RMND1: variants seen among roughly 807,000 people sequenced by gnomAD.
RMND1 encodes the protein required for meiotic nuclear division 1 homolog.
Under a neutral mutation model 54.0 loss-of-function variants are expected in RMND1, and 41 were observed. The observed-to-expected ratio is 0.76, with a 90% CI of 0.59 to 0.98. The LOEUF (loss-of-function observed/expected upper bound fraction) is 0.98, where lower values mean the gene tolerates loss of function less well. Among genes scored for constraint, RMND1 ranks in the 50% least tolerant of loss-of-function variants. The pLI, the probability that RMND1 is intolerant of heterozygous loss-of-function variation, is 0.00. For synonymous variants in RMND1, 183 were observed against 181.7 expected (o/e 1.01, Z -0.06); for missense variants, 457 against 532.0 (o/e 0.86, Z 1.39).
At chr6:151,407,976 C>T (rs951705917) in intron 10 of RMND1, among the ~76,000 whole-genome samples, 11 of 151,954 alleles carry the variant, frequency 7.2e-5, no homozygotes, top group African/African-American at 2.7e-4. Flanking sequence ...GAGGCATGTA[C>T]GCGTCGAGCA....
intron 10 of RMND1, chr6:151,416,612 C>A (rs891122106): frequency 6.6e-6 from 1 of 152,070 alleles, no homozygotes; most frequent in African/African-American, 2.4e-5. Flanking sequence ...TTAGTAGAGA[C>A]AGGGTTTCGC....
intron 2 of RMND1, among the ~76,000 whole-genome samples, chr6:151,439,995 C>T (rs1032342556): frequency 5.9e-5 from 9 of 152,020 alleles, no homozygotes; most frequent in African/African-American, 1.9e-4. Flanking sequence ...CTTCCTCTGT[C>T]GCCCAGGCGT....
chr6:151,446,563 C>G (rs944997947), intron 1 of RMND1, among the ~76,000 whole-genome samples: 4 of 151,952 alleles, frequency 2.6e-5, no homozygotes, highest in African/African-American at 9.7e-5. Flanking sequence ...ACAAGGTAAA[C>G]AGAATTTCCC....
At chr6:151,413,493 G>C (rs923995998) in intron 10 of RMND1, among the ~76,000 whole-genome samples, 7 of 152,288 alleles carry the variant, frequency 4.6e-5, no homozygotes, top group Admixed American at 6.5e-5. Flanking sequence ...GCCTGCCTTG[G>C]CCTACCAAAG....
chr6:151,422,468 G>A, intron 8 of RMND1, 73 bp downstream of exon 8: 1 of 755,000 alleles, frequency 1.3e-6, no homozygotes, highest in Non-Finnish European at 2.1e-6. Context: ...GCTATATATT[G>A]TTATATTGGG....
intron 10 of RMND1, chr6:151,413,823 T>A (rs2114923544): frequency 6.6e-6 from 1 of 152,310 alleles, no homozygotes; most frequent in African/African-American, 2.4e-5. Flanking sequence ...CACTAATCAA[T>A]CTTTCTGTGT....
intron 1 of RMND1, among the ~76,000 whole-genome samples, chr6:151,450,455 G>GAGTCAGCCCCCCGCCC (rs1781121236): frequency 1.1e-5 from 1 of 89,374 alleles, no homozygotes; most frequent in Non-Finnish European, 2.3e-5. Context: ...GGAGGTGGGG[G>GAGTCAGCCCCCCGCCC]GGCCAGCCCC....
rs1195902483 is a variant in RMND1 at position 151,417,338 on chromosome 6, T to A, written c.1141A>T (p.Asn381Tyr). ...ITPDFYWDRE[N>Y]LEGLYDKTCQ... Reference sequence around the variant, plus strand: ...GTTTTATCGTAAAGTCCTTCCAGGTTTTCTCTGTCCCAGTAGAAATCAGGA... The same window carrying A: ...GTTTTATCGTAAAGTCCTTCCAGGTATTCTCTGTCCCAGTAGAAATCAGGA... The change falls in exon 10 of 12, where the codon AAC becomes TAC. Residue 381 changes from asparagine to tyrosine, a missense_variant. Coordinates refer to ENST00000444024, the MANE Select transcript of RMND1 (RefSeq NM_017909.4). The A allele has an allele frequency of 3.1e-6, 5 of 1,613,802 alleles. No individual in the cohort carries two copies. The highest frequency in any genetic ancestry group is 4.2e-6 in the Non-Finnish European group (5 of 1,179,916).
intron 10 of RMND1, among the ~76,000 whole-genome samples, chr6:151,412,396 A>G (rs1206095743): frequency 6.6e-6 from 1 of 150,960 alleles, no homozygotes; most frequent in Admixed American, 6.6e-5. Context: ...GCCTCAAGTG[A>G]CCCTCCCATC....
chr6:151,406,522 C>T lies in RMND1; in HGVS notation c.1201-686G>A, dbSNP rs149679693. On this transcript the variant is annotated intron_variant, in intron 10 of 11. Transcript: ENST00000444024. ...GACTACAGGTGCCCGCCACCACGCC[C>T]GGCTAATTTTTGTATTTTTAGTAGA... Among the ~76,000 whole-genome samples, 352 of 152,112 alleles carry T rather than the reference C, an allele frequency of 2.3e-3. 1 individual carries two copies. Among genetic ancestry groups the T allele is most frequent in the African/African-American group, 8.1e-3 (336 of 41,512 alleles).
intron 10 of RMND1, chr6:151,411,486 CAGT>C (rs1187075664): frequency 6.6e-6 from 1 of 152,170 alleles, no homozygotes; most frequent in African/African-American, 2.4e-5. Flanking sequence ...AGAGCACATT[CAGT>C]AGAGGCAGAA....
intron 10 of RMND1, among the ~76,000 whole-genome samples, chr6:151,406,858 A>G (rs1268214345): frequency 1.3e-5 from 2 of 152,034 alleles, no homozygotes; most frequent in Non-Finnish European, 2.9e-5. Context: ...TTTTGCACAT[A>G]GCATTAAACT....
chr6:151,443,391 A>C (rs1397412465), intron 2 of RMND1, among the ~76,000 whole-genome samples: 4 of 152,102 alleles, frequency 2.6e-5, no homozygotes, highest in African/African-American at 4.8e-5. Context: ...AGCTCACTGC[A>C]ACCTCCACCT....
chr6:151,410,295 T>C (rs1398946152), intron 10 of RMND1, among the ~76,000 whole-genome samples: 1 of 152,136 alleles, frequency 6.6e-6, no homozygotes, highest in Non-Finnish European at 1.5e-5. Context: ...GACCTTGTGA[T>C]CCGCCCTCCT....
chr6:151,446,545 C>T, intron 1 of RMND1, among the ~76,000 whole-genome samples: 1 of 152,046 alleles, frequency 6.6e-6, no homozygotes, highest in East Asian at 1.9e-4. Flanking sequence ...CACACATGAA[C>T]ATTCCAGACA....
At chr6:151,436,649 T>C (rs935170830) in intron 2 of RMND1, 95 bp from the exon 3 acceptor site, 18 of 1,191,296 alleles carry the variant, frequency 1.5e-5, no homozygotes, top group Non-Finnish European at 2.1e-5. Context: ...TCTGCAAAGC[T>C]AGAACTCCAG....
chr6:151,427,638 T>A (rs1780341663), intron 5 of RMND1, 56 bp from the exon 6 acceptor site: 2 of 1,110,654 alleles, frequency 1.8e-6, no homozygotes, highest in Non-Finnish European at 2.7e-6. Flanking sequence ...AGTTCAAGTA[T>A]GTTATGATTT....
chr6:151,445,510 A>C lies in RMND1; in HGVS notation c.302T>G (p.Phe101Cys). Residue 101 changes from phenylalanine (F) to cysteine (C), a missense_variant, in exon 2 of 12, where the codon TTT (phenylalanine) becomes TGT (cysteine). By Grantham distance (205) the Phe-to-Cys change is radical. Transcript: ENST00000444024. ...EKAHLPTMKS[F>C]GTHRRVTHKP... ...GTGGGTCACTCTCCTGTGAGTACCA[A>C]AGGATTTCATGGTTGGAAGGTGTGC... 2 of 1,614,178 alleles carry C rather than the reference A, an allele frequency of 1.2e-6. No homozygotes were observed. The highest frequency in any genetic ancestry group is 1.1e-5 in the South Asian group (1 of 91,088).
chr6:151,429,123 C>CTTT (rs528642361), intron 5 of RMND1, among the ~76,000 whole-genome samples: 11 of 140,040 alleles, frequency 7.9e-5, no homozygotes, highest in African/African-American at 2.6e-4. Context: ...TTGTAACCCG[C>CTTT]TTTTTTTTTT....
Sources: gnomAD v4.1 joint callset for allele counts (sites outside exome capture counted in the v4.1 genomes callset) on GRCh38, gnomAD v4.1.1 for gene constraint, MANE v1.5 for transcripts, NCBI Gene and HGNC (gene_info 2026-07-23, HGNC 2026-07-21) for gene names.